Variants in RIPOR3 observed in about 807,000 individuals in gnomAD.
RIPOR3 encodes RIPOR family member 3.
A neutral mutation model predicts 114.3 loss-of-function variants in RIPOR3; 95 were observed. The ratio of observed to expected loss-of-function variants is 0.83; its 90% CI spans 0.70 to 0.99. RIPOR3 has a LOEUF of 0.99. Among genes scored for constraint, RIPOR3 ranks in the 50% least tolerant of loss-of-function variants. RIPOR3 has a pLI of 0.00. For missense variants in RIPOR3, 1,252 were observed against 1,266.9 expected (o/e 0.99, Z 0.18); for synonymous variants, 575 against 543.8 (o/e 1.06, Z -0.80).
intron 1 of RIPOR3, among the ~76,000 whole-genome samples, chr20:50,672,777 C>A (rs1210298488): frequency 1.3e-5 from 2 of 152,236 alleles, no homozygotes. Context: ...AGACTTGACA[C>A]CTTCCCCACC....
intron 1 of RIPOR3, among the ~76,000 whole-genome samples, chr20:50,642,394 G>C (rs1204328571): frequency 6.6e-6 from 1 of 151,504 alleles, no homozygotes; most frequent in East Asian, 1.9e-4. Flanking sequence ...GAGAGAAACA[G>C]GGAGAGAGAT....
chr20:50,631,334 G>A (rs1458945773), intron 1 of RIPOR3, among the ~76,000 whole-genome samples: 2 of 152,180 alleles, frequency 1.3e-5, no homozygotes, highest in Non-Finnish European at 2.9e-5. Flanking sequence ...GAGTTATGGG[G>A]GTCCCAGGGG....
rs745885990 is a variant in RIPOR3, at chr20:50,602,694, G to A, written c.1087-50C>T. On this transcript the variant is annotated intron_variant, in intron 12 of 21. Transcript: ENST00000327979. The surrounding 1 kb of genome is among the most constrained non-coding windows in gnomAD (Gnocchi z 4.3). Reference sequence around the variant, plus strand: ...CTCACCAGCCACCCCAGGGACCACAGCAAGTCCCCCAGAGGGGCTTCCCCT... The same window carrying A: ...CTCACCAGCCACCCCAGGGACCACAACAAGTCCCCCAGAGGGGCTTCCCCT... The A allele has an allele frequency of 2.2e-6, 3 of 1,370,702 alleles. No individual in the cohort carries two copies. The highest frequency in any genetic ancestry group is 1.9e-5 in the South Asian group (1 of 53,120). The allele number at this position is 1,370,702 out of a possible 1,614,324, so 84.9% of individuals were successfully genotyped here.
At chr20:50,676,322 A>G (rs1162713677) in intron 1 of RIPOR3, among the ~76,000 whole-genome samples, 2 of 152,086 alleles carry the variant, frequency 1.3e-5, no homozygotes, top group Non-Finnish European at 2.9e-5. Flanking sequence ...GATGAGGCCC[A>G]TCATCTCCCA....
chr20:50,666,181 C>CCTTGTCTTGTCTTTT (rs1600720832), intron 1 of RIPOR3, among the ~76,000 whole-genome samples: 1 of 14,926 alleles, frequency 6.7e-5, no homozygotes, highest in South Asian at 6.3e-3. Context: ...GAAAGGACAC[C>CCTTGTCTTGTCTTTT]CATTTCTTTT....
At chr20:50,666,119 C>A (rs181533665) in intron 1 of RIPOR3, among the ~76,000 whole-genome samples, 1 of 147,946 alleles carries the variant, frequency 6.8e-6, no homozygotes, top group Admixed American at 7.1e-5. Flanking sequence ...CATCTAGGGC[C>A]TTATATACAT....
intron 3 of RIPOR3, among the ~76,000 whole-genome samples, chr20:50,618,605 C>CT (rs2084274732): frequency 6.6e-6 from 1 of 152,182 alleles, no homozygotes; most frequent in Non-Finnish European, 1.5e-5. Flanking sequence ...CCTCTGCCTG[C>CT]TTACCCTGGC....
intron 16 of RIPOR3, 153 bp from the exon 17 acceptor site, chr20:50,594,867 C>T (rs1004105989): frequency 7.8e-5 from 64 of 820,590 alleles, no homozygotes; most frequent in East Asian, 1.1e-4. Context: ...CCATGTGACA[C>T]GTGAGCAACT....
At chr20:50,683,733 A>G (rs1169610489) in intron 1 of RIPOR3, among the ~76,000 whole-genome samples, 1 of 151,930 alleles carries the variant, frequency 6.6e-6, no homozygotes, top group Non-Finnish European at 1.5e-5. Context: ...CTGGGATTAC[A>G]GGTGTGAGCC....
intron 1 of RIPOR3, among the ~76,000 whole-genome samples, chr20:50,646,135 T>G (rs1460184290): frequency 2.6e-5 from 4 of 151,568 alleles, no homozygotes; most frequent in Non-Finnish European, 4.4e-5. Flanking sequence ...ATGTATTTAT[T>G]TATTTATTTA....
intron 1 of RIPOR3, among the ~76,000 whole-genome samples, chr20:50,632,049 C>T (rs1286805438): frequency 1.3e-5 from 2 of 152,174 alleles, no homozygotes; most frequent in Non-Finnish European, 2.9e-5. Context: ...CCCCACTACA[C>T]CTCTGCTCAC....
At chr20:50,605,294 G>C (rs2083666651) in intron 11 of RIPOR3, among the ~76,000 whole-genome samples, 1 of 151,950 alleles carries the variant, frequency 6.6e-6, no homozygotes, top group Admixed American at 6.6e-5. Context: ...CTGTGGCCTG[G>C]AGAATTATTT....
At chr20:50,677,464 C>T (rs898766749) in intron 1 of RIPOR3, among the ~76,000 whole-genome samples, 3 of 149,648 alleles carry the variant, frequency 2.0e-5, no homozygotes, top group South Asian at 2.1e-4. Flanking sequence ...CTCCACCTCC[C>T]GGGTTCGAGC....
intron 1 of RIPOR3, among the ~76,000 whole-genome samples, chr20:50,682,592 G>A (rs1301849381): frequency 1.7e-5 from 2 of 115,080 alleles, no homozygotes; most frequent in South Asian, 3.0e-4. Context: ...GGGTGACAGA[G>A]TGAGACCCTG....
chr20:50,652,147 T>TA (rs1472388075), intron 1 of RIPOR3, among the ~76,000 whole-genome samples: 1 of 152,152 alleles, frequency 6.6e-6, no homozygotes, highest in African/African-American at 2.4e-5. Flanking sequence ...GCCAAGGCCT[T>TA]ACACCTGTAA....
chr20:50,620,008 C>T lies in RIPOR3; in HGVS notation c.247G>A (p.Glu83Lys), dbSNP rs772627917. Residue 83 changes from glutamate to lysine, a missense_variant, in exon 3 of 22, where the codon GAA (glutamate) becomes AAA (lysine). Coordinates refer to ENST00000327979, the MANE Select transcript of RIPOR3 (RefSeq NM_001290268.2). ...TACTTGAGGCCTCTTTTCAATGCTT[C>T]GAAGATCTTCTTCACCTGCTGGGGC... ...PKPQQVKKIFEALKRGLKEYL... is the reference protein window; with the variant it reads ...PKPQQVKKIFKALKRGLKEYL... 25 of 1,612,944 alleles carry T rather than the reference C, an allele frequency of 1.5e-5. No individual in the cohort carries two copies. The highest frequency in any genetic ancestry group is 2.2e-5 in the East Asian group (1 of 44,846).
intron 3 of RIPOR3, among the ~76,000 whole-genome samples, chr20:50,618,991 A>C (rs1028650589): frequency 4.6e-5 from 7 of 152,002 alleles, no homozygotes; most frequent in African/African-American, 1.7e-4. Flanking sequence ...TGGACAGATC[A>C]CCTGAGGTCA....
At chr20:50,596,387 C>A in intron 14 of RIPOR3, 124 bp from the exon 15 acceptor site, 1 of 1,365,968 alleles carries the variant, frequency 7.3e-7, no homozygotes, top group South Asian at 1.3e-5. Flanking sequence ...CCAGGAAGTT[C>A]AACTGAAGAG....
chr20:50,641,919 C>G (rs6096039), intron 1 of RIPOR3, among the ~76,000 whole-genome samples: 42,157 of 151,828 alleles, frequency 0.28, 6,806 homozygotes, highest in African/African-American at 0.45. Flanking sequence ...CTGTTCAGCC[C>G]CTACTCCTAG....
Sources: allele counts gnomAD v4.1 joint callset (sites outside exome capture counted in the v4.1 genomes callset), GRCh38; gene constraint gnomAD v4.1.1; non-coding constraint Gnocchi (gnomAD v3.1); transcripts MANE v1.5; gene names NCBI Gene and HGNC (gene_info 2026-07-23, HGNC 2026-07-21).